The following SLC5A11 variants were observed in gnomAD, a reference collection of about 807,000 sequenced individuals.
The protein encoded by SLC5A11 is solute carrier family 5 member 11, also known as sodium/myo-inositol cotransporter 2.
Under a neutral mutation model 69.8 loss-of-function variants are expected in SLC5A11, and 48 were observed. The ratio of observed to expected loss-of-function variants is 0.69; its 90% CI spans 0.55 to 0.87. The LOEUF (loss-of-function observed/expected upper bound fraction) is 0.87. SLC5A11 is among the 40% of genes least tolerant of loss of function. The pLI is 0.00. For synonymous variants in SLC5A11, 319 were observed against 342.4 expected (o/e 0.93, Z 0.75); for missense variants, 784 against 866.1 (o/e 0.91, Z 1.19).
chr16:24,902,711 A>G (rs780035648), intron 10 of SLC5A11, among the ~76,000 whole-genome samples: 2 of 152,004 alleles, frequency 1.3e-5, no homozygotes, highest in Non-Finnish European at 2.9e-5. Flanking sequence ...GGTTAATTTC[A>G]TATTTTTAGT....
At chr16:24,894,226 C>T (rs189204145) in intron 9 of SLC5A11, among the ~76,000 whole-genome samples, 1 of 152,298 alleles carries the variant, frequency 6.6e-6, no homozygotes, top group Non-Finnish European at 1.5e-5. Context: ...TGGATGCTCT[C>T]AATTCTGGGA....
intron 3 of SLC5A11, among the ~76,000 whole-genome samples, chr16:24,868,491 C>T (rs1014523802): frequency 1.4e-5 from 2 of 147,596 alleles, no homozygotes; most frequent in Admixed American, 1.4e-4. Flanking sequence ...CCCAGCTACT[C>T]GGGAGGCTGA....
chr16:24,882,297 T>C (rs944590900), intron 7 of SLC5A11, among the ~76,000 whole-genome samples: 5 of 152,252 alleles, frequency 3.3e-5, no homozygotes, highest in Middle Eastern at 3.4e-3. Flanking sequence ...GAAAGGATGG[T>C]GGGGTTAAGT....
At chr16:24,854,184 C>T (rs2152223623) in intron 1 of SLC5A11, among the ~76,000 whole-genome samples, 1 of 152,306 alleles carries the variant, frequency 6.6e-6, no homozygotes, top group Non-Finnish European at 1.5e-5. Context: ...GCAGCCGCCG[C>T]CCCTCCTCCC....
chr16:24,863,726 C>G (rs566096605), intron 3 of SLC5A11, among the ~76,000 whole-genome samples: 1 of 152,238 alleles, frequency 6.6e-6, no homozygotes, highest in Admixed American at 6.5e-5. Context: ...ATTCAGGAAG[C>G]ATTTATTCAA....
intron 1 of SLC5A11, among the ~76,000 whole-genome samples, chr16:24,851,999 C>T (rs112223544): frequency 1.8e-4 from 27 of 148,958 alleles, no homozygotes; most frequent in African/African-American, 4.9e-4. Flanking sequence ...CTCTCTCCCA[C>T]TCTATCTGTT....
chr16:24,877,389 T>C (rs150243842), intron 7 of SLC5A11, 26 bp downstream of exon 8: 22,873 of 1,578,318 alleles, frequency 0.014, 203 homozygotes, highest in Non-Finnish European at 0.018. Context: ...GGGTAACACC[T>C]AGCAGAGGCA....
At chr16:24,910,533 A>ATTTTT in intron 15 of SLC5A11, 56 bp downstream of exon 16, 5 of 1,327,232 alleles carry the variant, frequency 3.8e-6, no homozygotes, top group Non-Finnish European at 5.0e-6. Context: ...AAAGGGATTG[A>ATTTTT]TTTTTTTTTT....
intron 12 of SLC5A11, 129 bp from the exon 14 acceptor site, chr16:24,907,834 T>C (rs2050185499): frequency 1.7e-6 from 2 of 1,197,936 alleles, no homozygotes; most frequent in South Asian, 2.8e-5. Context: ...TGCAGTGAGC[T>C]ATGCTCTCAC....
intron 7 of SLC5A11, among the ~76,000 whole-genome samples, chr16:24,880,177 A>G (rs1418231567): frequency 6.6e-6 from 1 of 152,148 alleles, no homozygotes; most frequent in African/African-American, 2.4e-5. Flanking sequence ...TGAAAAAAAA[A>G]AGAGGTTTAA....
intron 2 of SLC5A11, among the ~76,000 whole-genome samples, chr16:24,861,264 GC>G (rs1416461553): frequency 2.0e-5 from 3 of 152,044 alleles, no homozygotes; most frequent in African/African-American, 7.2e-5. Context: ...TGAACAGATC[GC>G]TTGAGCTCAG....
chr16:24,846,624 T>G (rs1046292078), intron 1 of SLC5A11, 186 bp downstream of exon 2: 1 of 152,616 alleles, frequency 6.6e-6, no homozygotes, highest in Non-Finnish European at 1.5e-5. Flanking sequence ...CATGGTGGTA[T>G]GAAGCCAGCA....
At chr16:24,884,672 T>C (rs1185824161) in intron 8 of SLC5A11, among the ~76,000 whole-genome samples, 1 of 150,464 alleles carries the variant, frequency 6.6e-6, no homozygotes, top group East Asian at 2.0e-4. Context: ...TCTATACTAA[T>C]ATGGAAAAAT....
intron 11 of SLC5A11, 56 bp downstream of exon 12, chr16:24,906,820 C>T (rs2152418668): frequency 6.7e-7 from 1 of 1,499,356 alleles, no homozygotes; most frequent in South Asian, 1.2e-5. Flanking sequence ...AAGGAGATCA[C>T]CGGATGGGCT....
intron 10 of SLC5A11, among the ~76,000 whole-genome samples, chr16:24,903,738 C>T (rs1352845068): frequency 6.6e-6 from 1 of 152,000 alleles, no homozygotes; most frequent in African/African-American, 2.4e-5. Flanking sequence ...GTATATGTAC[C>T]ACATTTTCTT....
At position 24,910,422 on chromosome 16, in the gene SLC5A11, C is replaced by A. The variant is rs753750528; in HGVS notation, c.1767C>A (p.Ser589Arg). 18 of 1,614,034 alleles carry A rather than the reference C, an allele frequency of 1.1e-5. No individual in the cohort carries two copies. In the South Asian group the frequency reaches 2.0e-4, roughly 18 times the overall value. Residue 589 changes from serine (S) to arginine (R), a missense_variant, in exon 15 of 16, where the codon AGC (serine) becomes AGA (arginine). This residue lies in a region of SLC5A11 where 550 missense variants were observed against 606.4 expected (regional missense o/e 0.91). Coordinates refer to ENST00000347898, the Ensembl canonical transcript of SLC5A11. ...AGAACGGGATGCCAGAGGCCAGCAG[C>A]AGCAGCAGCGTCCAGTTCGAGATGG...
rs146878626 is a variant in SLC5A11, at chr16:24,911,502, G to C, written c.1997G>C (p.Cys666Ser). 7 of 1,614,142 alleles carry C rather than the reference G, an allele frequency of 4.3e-6. No individual in the cohort carries two copies. The Admixed American group carries it at 1.2e-4, about 27-fold the overall frequency. Residue 666 changes from cysteine (C) to serine (S), a missense_variant, in exon 16 of 16, where the codon TGC (cysteine) becomes TCC (serine). Physicochemically the swap from Cys to Ser is moderately radical, Grantham distance 112. This residue lies in a region of SLC5A11 where 550 missense variants were observed against 606.4 expected (regional missense o/e 0.91). Transcript: ENST00000347898. ...GTCAACCTCATTTTCTGCGTGAGCT[G>C]CGCCATCTTTATCTGGGGCTATTTT...
rs554308329 is a variant in SLC5A11, at chr16:24,874,524, T to C, written c.373-1103T>C. Among the ~76,000 whole-genome samples the C allele has an allele frequency of 3.3e-5, 5 of 152,336 alleles. No homozygotes were observed. In the South Asian group the frequency reaches 1.0e-3, roughly 32 times the overall value. Reference sequence around the variant, plus strand: ...TTTATATTCTCCAACTTAAAGATTCTTGCGAATTTGGTGCATGTGTAGTGA... The same window carrying C: ...TTTATATTCTCCAACTTAAAGATTCCTGCGAATTTGGTGCATGTGTAGTGA... On this transcript the variant is annotated intron_variant, in intron 5 of 15. Transcript: ENST00000347898.
rs143257558 is a variant in SLC5A11, at chr16:24,890,995, C to T, written c.791C>T (p.Pro264Leu). 2.7e-5 allele frequency: 44 copies of T among 1,614,084 alleles called. No homozygotes were observed. The highest frequency in any genetic ancestry group is 3.3e-5 in the Non-Finnish European group (39 of 1,180,052). Residue 264 changes from proline to leucine, a missense_variant, in exon 9 of 16, where the codon CCG (proline) becomes CTG (leucine). Transcript: ENST00000347898. ...GATGCCTTCCATATTTTCCGAGATC[C>T]GCTGACATCTGATCTCCCGTGGCCG...
Sources: allele counts gnomAD v4.1 joint callset (sites outside exome capture counted in the v4.1 genomes callset), GRCh38; gene constraint gnomAD v4.1.1; regional missense constraint gnomAD v4.1.1; transcripts MANE v1.5; gene names NCBI Gene and HGNC (gene_info 2026-07-23, HGNC 2026-07-21).